RIN2: variants seen among roughly 807,000 people sequenced by gnomAD.
The protein encoded by RIN2 is Ras and Rab interactor 2.
Under a neutral mutation model 78.0 loss-of-function variants are expected in RIN2, and 36 were observed. That is an observed-to-expected ratio of 0.46 (90% confidence interval 0.35 to 0.61). The LOEUF is 0.61. RIN2 is among the 20% of genes least tolerant of loss of function. The pLI, the probability that RIN2 is intolerant of heterozygous loss-of-function variation, is 0.00. For missense variants in RIN2, 1,087 were observed against 1,159.7 expected, an observed-to-expected ratio of 0.94 and a Z score of 0.91; for synonymous variants, 466 against 466.8, an observed-to-expected ratio of 1.00 and a Z score of 0.02.
At position 19,767,882 on chromosome 20, in the gene RIN2, G is replaced by A. The variant is rs966607677; in HGVS notation, c.-163+9555G>A. Among the ~76,000 whole-genome samples the A allele has an allele frequency of 6.3e-5, 9 of 142,628 alleles. No individual in the cohort carries two copies. The East Asian group carries it at 1.2e-3, about 20-fold the overall frequency. The allele number at this position is 142,628 out of a possible 152,430, so 93.6% of individuals were successfully genotyped here. On this transcript the variant is annotated intron_variant, in intron 1 of 12. Coordinates refer to ENST00000255006, the MANE Select transcript of RIN2 (RefSeq NM_018993.4). ...AGAGGTTGCAGGGAGCCGAGATCAC[G>A]CCACTGCACTCCAGCCTGGGCAACA...
chr20:19,816,114 T>C (rs2035759152), intron 2 of RIN2, among the ~76,000 whole-genome samples: 1 of 152,250 alleles, frequency 6.6e-6, no homozygotes, highest in South Asian at 2.1e-4. Flanking sequence ...TTGAAAAACT[T>C]GGAACAGATT....
At chr20:19,957,315 G>A (rs2041583562) in intron 5 of RIN2, among the ~76,000 whole-genome samples, 1 of 152,182 alleles carries the variant, frequency 6.6e-6, no homozygotes, top group Non-Finnish European at 1.5e-5. Context: ...GGTTTCCTCA[G>A]CTACTGTCTA....
intron 2 of RIN2, among the ~76,000 whole-genome samples, chr20:19,813,117 TG>T (rs1382523703): frequency 6.6e-6 from 1 of 152,194 alleles, no homozygotes; most frequent in Non-Finnish European, 1.5e-5. Context: ...CACTCCACAG[TG>T]GCCTCTCGGA....
chr20:19,880,025 G>A (rs767592525), intron 2 of RIN2, among the ~76,000 whole-genome samples: 7 of 152,150 alleles, frequency 4.6e-5, no homozygotes, highest in Non-Finnish European at 1.0e-4. Flanking sequence ...AAGGCGGTCG[G>A]ATCACTTGAG....
chr20:19,822,333 A>G (rs2035950066), intron 2 of RIN2, among the ~76,000 whole-genome samples: 6 of 152,208 alleles, frequency 3.9e-5, no homozygotes, highest in Admixed American at 3.9e-4. Flanking sequence ...CTCAGAGCTT[A>G]TAAATGAAGT....
At chr20:19,862,620 ACAAG>A (rs2037378761) in intron 2 of RIN2, among the ~76,000 whole-genome samples, 1 of 149,400 alleles carries the variant, frequency 6.7e-6, no homozygotes, top group African/African-American at 2.6e-5. Flanking sequence ...AAACAAACAA[ACAAG>A]CAAAAACAGA....
At chr20:19,787,409 C>T (rs748742995) in intron 1 of RIN2, among the ~76,000 whole-genome samples, 99 of 117,886 alleles carry the variant, frequency 8.4e-4, no homozygotes, top group Non-Finnish European at 1.5e-3. Flanking sequence ...GGCGACAGAG[C>T]AAGACTCCAT....
chr20:19,970,218 C>T (rs1420069897), intron 7 of RIN2, among the ~76,000 whole-genome samples: 1 of 152,268 alleles, frequency 6.6e-6, no homozygotes, highest in Non-Finnish European at 1.5e-5. Flanking sequence ...TCCAGTCCCT[C>T]CCAGACCTCT....
At chr20:19,804,379 C>G (rs1245282387) in intron 2 of RIN2, among the ~76,000 whole-genome samples, 1 of 152,076 alleles carries the variant, frequency 6.6e-6, no homozygotes, top group Non-Finnish European at 1.5e-5. Context: ...TCCATCAATA[C>G]CTAGTTTATT....
chr20:19,861,736 C>G (rs1176890241), intron 2 of RIN2, among the ~76,000 whole-genome samples: 1 of 151,798 alleles, frequency 6.6e-6, no homozygotes, highest in Non-Finnish European at 1.5e-5. Flanking sequence ...TGATGCTCAC[C>G]CTCCATATCC....
At chr20:19,782,708 T>C (rs1347812205) in intron 1 of RIN2, among the ~76,000 whole-genome samples, 1 of 152,306 alleles carries the variant, frequency 6.6e-6, no homozygotes, top group East Asian at 1.9e-4. Flanking sequence ...TCTAAATGCC[T>C]CCCTTCCTCC....
chr20:19,862,839 G>T (rs2037386612), intron 2 of RIN2, among the ~76,000 whole-genome samples: 1 of 152,164 alleles, frequency 6.6e-6, no homozygotes, highest in Non-Finnish European at 1.5e-5. Flanking sequence ...CTGAATCCTT[G>T]CCAAATGCAC....
intron 9 of RIN2, 31 bp from the exon 10 acceptor site, chr20:19,989,975 A>G: frequency 6.7e-7 from 1 of 1,497,086 alleles, no homozygotes; most frequent in East Asian, 2.3e-5. Flanking sequence ...TCTTCAGACA[A>G]TAGTCATAGT....
intron 2 of RIN2, among the ~76,000 whole-genome samples, chr20:19,854,762 A>G (rs2037110836): frequency 6.6e-6 from 1 of 152,230 alleles, no homozygotes; most frequent in Non-Finnish European, 1.5e-5. Context: ...GTTGCTGATC[A>G]GCTTAAGGAG....
At position 20,000,753 on chromosome 20, in the gene RIN2, C is replaced by A; in HGVS notation, c.2505C>A (p.Ser835Arg). Residue 835 changes from serine (S) to arginine (R), a missense_variant, in exon 13 of 13, where the codon AGC (serine) becomes AGA (arginine). Coordinates refer to ENST00000255006, the MANE Select transcript of RIN2 (RefSeq NM_018993.4). The part of the protein sequence containing the change: ...KFKVGDPEEY[S>R]LFLFVDETWQ... ...AGGTGGGGGACCCTGAGGAGTACAG[C>A]CTCTTTCTCTTCGTTGACGAGACAT... 1 of 1,613,982 alleles carries A rather than the reference C, an allele frequency of 6.2e-7. No homozygotes were observed.
chr20:19,996,224 G>A (rs2042958578), intron 11 of RIN2, among the ~76,000 whole-genome samples: 1 of 152,218 alleles, frequency 6.6e-6, no homozygotes, highest in South Asian at 2.1e-4. Context: ...TGAGGTGGGA[G>A]CGTCGCTTGA....
chr20:19,768,748 GC>G (rs143222621), intron 1 of RIN2, among the ~76,000 whole-genome samples: 2,970 of 152,132 alleles, frequency 0.02, 47 homozygotes, highest in African/African-American at 0.041. Context: ...TGGCTTACTG[GC>G]CCCTCAGAGG....
Position 19,880,157 on chromosome 20 carries a change from C to T in RIN2, c.-36-9409C>T, listed in dbSNP as rs140385253. 2.1e-3 allele frequency among the ~76,000 whole-genome samples: 319 copies of T among 149,730 alleles called. 2 individuals carry two copies. The highest frequency in any genetic ancestry group is 7.3e-3 in the African/African-American group (297 of 40,712). On this transcript the variant is annotated intron_variant, in intron 2 of 12. Transcript: ENST00000255006. The stretch of plus-strand genomic sequence containing the variant: ...TCAGCTACTCAGGTAACTGAGGCAG[C>T]AAGACAATTGATGAACCAGGAAGGT...
chr20:19,990,469 G>A (rs2042764846), intron 10 of RIN2, among the ~76,000 whole-genome samples, 158 bp downstream of exon 10: 1 of 152,102 alleles, frequency 6.6e-6, no homozygotes, highest in Non-Finnish European at 1.5e-5. Flanking sequence ...CTGATATCCG[G>A]CACATTAGTC....
Sources: gnomAD v4.1 joint callset for allele counts (sites outside exome capture counted in the v4.1 genomes callset) on GRCh38, gnomAD v4.1.1 for gene constraint, MANE v1.5 for transcripts, NCBI Gene and HGNC (gene_info 2026-07-23, HGNC 2026-07-21) for gene names.